ARHGEF33: variants seen among roughly 807,000 people sequenced by gnomAD.
ARHGEF33 encodes DH and coiled-coil domain-containing protein ENSP00000381780.
Under a neutral mutation model 101.9 loss-of-function variants are expected in ARHGEF33, and 72 were observed. That is an observed-to-expected ratio of 0.71 (90% CI 0.58 to 0.86). ARHGEF33 has a LOEUF of 0.86. Among genes scored for constraint, ARHGEF33 ranks in the 40% least tolerant of loss-of-function variants. The probability of loss-of-function intolerance (pLI) is 0.00; values close to 1 mark genes in which losing one functional copy is unlikely to be tolerated. For missense variants in ARHGEF33, 1,169 were observed against 1,111.3 expected (o/e 1.05, Z -0.74); for synonymous variants, 499 against 442.5 (o/e 1.13, Z -1.60).
At chr2:38,909,863 G>A (rs77183418) in intron 2 of ARHGEF33, among the ~76,000 whole-genome samples, 10 of 151,166 alleles carry the variant, frequency 6.6e-5, no homozygotes, top group South Asian at 4.2e-4. Flanking sequence ...GTTTTCTTGC[G>A]TTACATTGAT....
chr2:38,936,382 G>C (rs910091867), intron 8 of ARHGEF33, among the ~76,000 whole-genome samples: 2 of 152,156 alleles, frequency 1.3e-5, no homozygotes, highest in African/African-American at 4.8e-5. Context: ...ATAAGACATT[G>C]TTTTTGGCAC....
chr2:38,940,756 C>T (rs1277512041), intron 9 of ARHGEF33, among the ~76,000 whole-genome samples: 1 of 152,156 alleles, frequency 6.6e-6, no homozygotes, highest in South Asian at 2.1e-4. Flanking sequence ...GTTGAATAAA[C>T]GTACAGCAAG....
Position 38,960,342 on chromosome 2 carries a change from C to A in ARHGEF33, c.2037C>A (p.Ser679Arg), listed in dbSNP as rs932964738. ...PEHPLQPLPK[S>R]ATSPAGSSSA... is the part of the protein sequence containing the mutation. ...ACCCGCTGCAGCCGCTGCCCAAGAG[C>A]GCTACGTCGCCGGCGGGCAGCAGCA... is the stretch of plus-strand genomic sequence containing the variant. Residue 679 changes from serine (S) to arginine (R), a missense_variant, in exon 16 of 18, where the codon AGC (serine) becomes AGA (arginine). By Grantham distance (110) the Ser-to-Arg change is moderately radical. Transcript: ENST00000409978. 1.3e-6 allele frequency: 2 copies of A among 1,535,160 alleles called. No individual in the cohort carries two copies. The highest frequency in any genetic ancestry group is 1.4e-5 in the African/African-American group (1 of 72,590).
At chr2:38,896,061 C>T (rs984614455) in intron 2 of ARHGEF33, among the ~76,000 whole-genome samples, 9 of 152,176 alleles carry the variant, frequency 5.9e-5, no homozygotes, top group African/African-American at 1.9e-4. Flanking sequence ...TCTAAACCAG[C>T]TATGTTACAT....
intron 2 of ARHGEF33, among the ~76,000 whole-genome samples, chr2:38,897,010 G>A (rs567437664): frequency 1.4e-3 from 213 of 152,224 alleles, no homozygotes; most frequent in African/African-American, 4.8e-3. Context: ...CCGCCTCCTG[G>A]GTTCAAGTGA....
At chr2:38,933,344 A>G (rs536851734) in intron 7 of ARHGEF33, among the ~76,000 whole-genome samples, 78 of 151,476 alleles carry the variant, frequency 5.1e-4, no homozygotes, top group African/African-American at 1.7e-3. Context: ...ATCTAAAAGA[A>G]CGCTCAATAC....
At chr2:38,911,146 A>AC (rs1189058536) in intron 2 of ARHGEF33, among the ~76,000 whole-genome samples, 1 of 152,194 alleles carries the variant, frequency 6.6e-6, no homozygotes, top group African/African-American at 2.4e-5. Flanking sequence ...TAGGCTCTAT[A>AC]GAAAAAAAAA....
intron 2 of ARHGEF33, among the ~76,000 whole-genome samples, chr2:38,896,521 G>C (rs1292581991): frequency 2.0e-5 from 3 of 152,200 alleles, no homozygotes; most frequent in African/African-American, 4.8e-5. Context: ...TTGAAGTTAT[G>C]TATTCTGAGT....
chr2:38,905,944 T>A (rs1489835975), intron 2 of ARHGEF33, among the ~76,000 whole-genome samples: 1 of 152,112 alleles, frequency 6.6e-6, no homozygotes, highest in Non-Finnish European at 1.5e-5. Flanking sequence ...CCTCACATAC[T>A]TTAAAAAATG....
intron 4 of ARHGEF33, among the ~76,000 whole-genome samples, chr2:38,928,557 G>A (rs1363252290): frequency 1.3e-5 from 2 of 152,084 alleles, no homozygotes; most frequent in African/African-American, 4.8e-5. Context: ...AGAATTCAAA[G>A]AGTTATTGGA....
intron 4 of ARHGEF33, among the ~76,000 whole-genome samples, chr2:38,926,410 C>T (rs543982352): frequency 4.6e-5 from 7 of 152,080 alleles, no homozygotes; most frequent in South Asian, 2.1e-4. Context: ...AGTTGAAAAC[C>T]GCTCTGTAGG....
chr2:38,960,742 G>C, intron 16 of ARHGEF33, 94 bp downstream of exon 16: 1 of 1,029,224 alleles, frequency 9.7e-7, no homozygotes. Context: ...GGAGAGGAGC[G>C]GGGCCGGGCC....
intron 3 of ARHGEF33, among the ~76,000 whole-genome samples, chr2:38,920,484 T>C (rs1666732592): frequency 7.4e-6 from 1 of 134,790 alleles, no homozygotes; most frequent in South Asian, 2.6e-4. Context: ...CTCAACTCAC[T>C]GCAACCTCTG....
At chr2:38,933,666 C>T (rs1328780438) in intron 7 of ARHGEF33, among the ~76,000 whole-genome samples, 2 of 152,208 alleles carry the variant, frequency 1.3e-5, no homozygotes, top group Non-Finnish European at 2.9e-5. Flanking sequence ...TGAGGCACCA[C>T]GACCGACCCA....
rs1667815381 is a variant in ARHGEF33, at chr2:38,958,093, A to G, written c.1430A>G (p.Asp477Gly). ...TCCCAGTGTGCCAATGCTGGGCAAG[A>G]TGCTTCCCCCACTGCAGGTCCTGAG... ...LASQCANAGQ[D>G]ASPTAGPEAV... is the part of the protein sequence containing the mutation. Residue 477 changes from aspartate to glycine, a missense_variant, in exon 15 of 18, where the codon GAT becomes GGT. Coordinates refer to ENST00000409978, the MANE Select transcript of ARHGEF33 (RefSeq NM_001145451.5). 6.4e-7 allele frequency: 1 copy of G among 1,552,036 alleles called. No homozygotes were observed. The highest frequency in any genetic ancestry group is 1.4e-5 in the African/African-American group (1 of 73,032).
At chr2:38,893,898 A>G (rs924648345) in intron 1 of ARHGEF33, among the ~76,000 whole-genome samples, 2 of 152,216 alleles carry the variant, frequency 1.3e-5, no homozygotes, top group Non-Finnish European at 2.9e-5. Context: ...AGGCAATTCA[A>G]GGGAGATAGG....
intron 13 of ARHGEF33, among the ~76,000 whole-genome samples, chr2:38,956,488 C>T (rs575176304): frequency 5.2e-4 from 79 of 152,334 alleles, no homozygotes; most frequent in African/African-American, 1.8e-3. Flanking sequence ...ACAGAAGGGG[C>T]CACCAGGCTT....
chr2:38,921,774 C>G (rs997299188), intron 4 of ARHGEF33, among the ~76,000 whole-genome samples: 2 of 152,200 alleles, frequency 1.3e-5, no homozygotes, highest in African/African-American at 4.8e-5. Context: ...AAGTGCAGCA[C>G]TACCACGCCC....
At chr2:38,926,352 C>G (rs1313224235) in intron 4 of ARHGEF33, among the ~76,000 whole-genome samples, 1 of 152,142 alleles carries the variant, frequency 6.6e-6, no homozygotes, top group Admixed American at 6.5e-5. Context: ...ATGTTAAGAT[C>G]GTGTCTTCAC....
Sources: gnomAD v4.1 joint callset for allele counts (sites outside exome capture counted in the v4.1 genomes callset) on GRCh38, gnomAD v4.1.1 for gene constraint, MANE v1.5 for transcripts, NCBI Gene and HGNC (gene_info 2026-07-23, HGNC 2026-07-21) for gene names.